ENPP6: variants seen among roughly 807,000 people sequenced by gnomAD.
ENPP6 encodes the protein glycerophosphocholine cholinephosphodiesterase ENPP6.
ENPP6 carries 32 observed loss-of-function variants against 42.0 expected under a neutral mutation model. The ratio of observed to expected loss-of-function variants is 0.76; its 90% CI spans 0.58 to 1.02. The LOEUF (loss-of-function observed/expected upper bound fraction) is 1.02, where lower values mean the gene tolerates loss of function less well. Ranked by LOEUF, ENPP6 falls within the 50% of genes least tolerant of loss-of-function variation. ENPP6 has a pLI of 0.00. For synonymous variants in ENPP6, 213 were observed against 216.0 expected (o/e 0.99, Z 0.12); for missense variants, 552 against 566.8 (o/e 0.97, Z 0.27).
intron 1 of ENPP6, among the ~76,000 whole-genome samples, chr4:184,161,548 G>T (rs1244500566): frequency 1.3e-5 from 2 of 152,182 alleles, no homozygotes; most frequent in Non-Finnish European, 2.9e-5. Context: ...CAGAGGAAAA[G>T]AGGTCATTAT....
intron 2 of ENPP6, among the ~76,000 whole-genome samples, chr4:184,147,800 CAAA>C (rs5864876): frequency 7.0e-6 from 1 of 143,866 alleles, no homozygotes; most frequent in Non-Finnish European, 1.5e-5. Context: ...GACCCTGTTT[CAAA>C]AAAAAAAAAA....
intron 3 of ENPP6, among the ~76,000 whole-genome samples, chr4:184,121,048 C>A (rs531270673): frequency 3.3e-5 from 5 of 152,270 alleles, no homozygotes; most frequent in African/African-American, 9.6e-5. Context: ...CTTCAGAGAG[C>A]CAGTGGCCTC....
At chr4:184,192,686 T>G (rs73872806) in intron 1 of ENPP6, among the ~76,000 whole-genome samples, 1 of 152,152 alleles carries the variant, frequency 6.6e-6, no homozygotes, top group African/African-American at 2.4e-5. Context: ...GAAAAATACA[T>G]GCCAATCATA....
Position 184,144,709 on chromosome 4 carries a change from G to A in ENPP6, c.421+8845C>T, listed in dbSNP as rs548956759. On this transcript the variant is annotated intron_variant, in intron 2 of 7. Coordinates refer to ENST00000296741, the MANE Select transcript of ENPP6 (RefSeq NM_153343.4). ...CCAGGTCAGATGGCACTCTCCGTGGGAAGGAACCTTCTTCACCCTAAACAA... is the reference window on the plus strand; with the variant it reads ...CCAGGTCAGATGGCACTCTCCGTGGAAAGGAACCTTCTTCACCCTAAACAA... 7.2e-5 allele frequency among the ~76,000 whole-genome samples: 11 copies of A among 152,328 alleles called. No individual in the cohort carries two copies. The East Asian group carries it at 2.1e-3, about 29-fold the overall frequency.
rs1027275204 is a variant in ENPP6 at position 184,153,818 on chromosome 4, G to A, written c.242-85C>T. 1.4e-5 allele frequency: 21 copies of A among 1,471,008 alleles called. No homozygotes were observed. In the East Asian group the frequency reaches 2.3e-4, roughly 16 times the overall value. The allele number at this position is 1,471,008 out of a possible 1,614,324, so 91.1% of individuals were successfully genotyped here. ...TGTTTCTTGATCATATAAGCCATTC[G>A]TGCTCGTTTAGGAAGTACAGAACAG... is the stretch of plus-strand genomic sequence containing the variant. On this transcript the variant is annotated intron_variant, in intron 1 of 7. Coordinates refer to ENST00000296741, the MANE Select transcript of ENPP6 (RefSeq NM_153343.4).
At chr4:184,190,872 A>C (rs1483774009) in intron 1 of ENPP6, among the ~76,000 whole-genome samples, 6 of 152,228 alleles carry the variant, frequency 3.9e-5, no homozygotes. Context: ...ATTTGAGATA[A>C]GTAGCTAAGT....
chr4:184,187,716 A>G (rs1253173676), intron 1 of ENPP6, among the ~76,000 whole-genome samples: 1 of 152,116 alleles, frequency 6.6e-6, no homozygotes, highest in Non-Finnish European at 1.5e-5. Flanking sequence ...CATTGTTTAT[A>G]TATGTGTTAT....
At chr4:184,119,863 G>A (rs569262968) in intron 3 of ENPP6, among the ~76,000 whole-genome samples, 15 of 152,266 alleles carry the variant, frequency 9.9e-5, no homozygotes, top group Admixed American at 4.6e-4. Context: ...AGAAGGACAC[G>A]TCTGCTTTCC....
intron 1 of ENPP6, among the ~76,000 whole-genome samples, chr4:184,165,108 C>T (rs1022314295): frequency 7.2e-5 from 11 of 152,166 alleles, no homozygotes; most frequent in African/African-American, 2.7e-4. Flanking sequence ...ACTGAGGAAG[C>T]GCTTTACCTG....
At chr4:184,200,981 G>C (rs994318911) in intron 1 of ENPP6, among the ~76,000 whole-genome samples, 1 of 152,204 alleles carries the variant, frequency 6.6e-6, no homozygotes, top group African/African-American at 2.4e-5. Flanking sequence ...ACAGCCCTTT[G>C]TCTAAATAAG....
rs752341794 is a variant in ENPP6, at chr4:184,206,251, A to ATTCTTTTTTTTT, written c.241+11327_241+11328insAAAAAAAAAGAA. Among the ~76,000 whole-genome samples, 4 of 93,408 alleles carry ATTCTTTTTTTTT rather than the reference A, an allele frequency of 4.3e-5. 1 individual carries two copies. The highest frequency in any genetic ancestry group is 4.1e-5 in the Non-Finnish European group (2 of 48,468). The allele number at this position is 93,408 out of a possible 152,430, so 61.3% of individuals were successfully genotyped here. ...GAACAGCCCCTCAAAGGAAGCTTGA[A>ATTCTTTTTTTTT]TTTTTTTTTTTTTTTTTTTTTTTTG... On this transcript the variant is annotated intron_variant, in intron 1 of 7. Transcript: ENST00000296741.
At chr4:184,117,627 C>G (rs1223894508) in intron 4 of ENPP6, 132 bp downstream of exon 4, 1 of 1,335,146 alleles carries the variant, frequency 7.5e-7, no homozygotes, top group East Asian at 2.3e-5. Flanking sequence ...AGCCAAGGGA[C>G]TCGTCAAAGC....
chr4:184,091,074 T>C lies in ENPP6; in HGVS notation c.*103A>G. ...GTATTTACAATGTGCATGGTCTTGATTGTGTTAATGAAGCTATTATTCACA... is the reference window on the plus strand; with the variant it reads ...GTATTTACAATGTGCATGGTCTTGACTGTGTTAATGAAGCTATTATTCACA... On this transcript the variant is annotated 3_prime_UTR_variant, in exon 8 of 8. Coordinates refer to ENST00000296741, the MANE Select transcript of ENPP6 (RefSeq NM_153343.4). 9.4e-7 allele frequency: 1 copy of C among 1,066,306 alleles called. No individual in the cohort carries two copies. The highest frequency in any genetic ancestry group is 1.3e-6 in the Non-Finnish European group (1 of 753,030). The allele number at this position is 1,066,306 out of a possible 1,614,324, so 66.1% of individuals were successfully genotyped here.
chr4:184,214,293 T>G (rs1477468538), intron 1 of ENPP6, among the ~76,000 whole-genome samples: 7 of 152,136 alleles, frequency 4.6e-5, no homozygotes. Flanking sequence ...AATTGTTTGA[T>G]TCATCTTCAT....
intron 6 of ENPP6, among the ~76,000 whole-genome samples, chr4:184,099,694 G>T (rs994841867): frequency 2.0e-5 from 3 of 152,114 alleles, no homozygotes; most frequent in Admixed American, 2.0e-4. Context: ...TGAGTTTCCC[G>T]CATCCCTCGT....
intron 2 of ENPP6, among the ~76,000 whole-genome samples, chr4:184,125,764 T>G (rs975756097): frequency 6.6e-6 from 1 of 152,140 alleles, no homozygotes; most frequent in African/African-American, 2.4e-5. Flanking sequence ...CCAAAACATG[T>G]TTTTTGAGAG....
chr4:184,209,718 T>C (rs1330988939), intron 1 of ENPP6, among the ~76,000 whole-genome samples: 3 of 148,152 alleles, frequency 2.0e-5, no homozygotes, highest in Admixed American at 6.7e-5. Context: ...AACGTTCAGA[T>C]TCAGGAAATA....
intron 1 of ENPP6, among the ~76,000 whole-genome samples, chr4:184,172,293 G>T (rs1009768976): frequency 6.6e-6 from 1 of 152,138 alleles, no homozygotes; most frequent in Non-Finnish European, 1.5e-5. Context: ...CAGGATGGGA[G>T]GTGTTTGAAG....
chr4:184,188,068 A>T (rs923553932), intron 1 of ENPP6, among the ~76,000 whole-genome samples: 1 of 152,220 alleles, frequency 6.6e-6, no homozygotes, highest in Non-Finnish European at 1.5e-5. Context: ...GATGTATGGA[A>T]GCACAGGCCT....
Sources: allele counts gnomAD v4.1 joint callset (sites outside exome capture counted in the v4.1 genomes callset), GRCh38; gene constraint gnomAD v4.1.1; transcripts MANE v1.5; gene names NCBI Gene and HGNC (gene_info 2026-07-23, HGNC 2026-07-21).